Variants in PRAG1 observed in about 807,000 individuals in gnomAD.
PRAG1 encodes inactive tyrosine-protein kinase PRAG1.
A neutral mutation model predicts 95.6 loss-of-function variants in PRAG1; 110 were observed. That is an observed-to-expected ratio of 1.15 (90% CI 0.99 to 1.35). The LOEUF is 1.35. Among genes scored for constraint, PRAG1 ranks in the 40% most tolerant of loss-of-function variants. PRAG1 has a pLI of 0.00. For missense variants in PRAG1, 2,554 were observed against 1,864.7 expected (o/e 1.37, Z -6.81); for synonymous variants, 1,052 against 819.4 (o/e 1.28, Z -4.85).
intron 2 of PRAG1, among the ~76,000 whole-genome samples, chr8:8,380,669 C>A (rs775425309): frequency 6.6e-6 from 1 of 151,802 alleles, no homozygotes; most frequent in African/African-American, 2.4e-5. Flanking sequence ...TCCTGGCCAA[C>A]GTGGTGAAAC....
At chr8:8,321,089 C>T (rs564305382) in intron 5 of PRAG1, among the ~76,000 whole-genome samples, 1 of 152,206 alleles carries the variant, frequency 6.6e-6, no homozygotes, top group Non-Finnish European at 1.5e-5. Context: ...TTCCGGACTA[C>T]CCAACTCTAC....
intron 3 of PRAG1, among the ~76,000 whole-genome samples, chr8:8,365,873 G>A (rs888221002): frequency 2.0e-5 from 3 of 151,850 alleles, no homozygotes; most frequent in Non-Finnish European, 4.4e-5. Flanking sequence ...CCAGCTACTT[G>A]GGAGGCTGAG....
At position 8,318,953 on chromosome 8, in the gene PRAG1, A is replaced by G; in HGVS notation, c.3422T>C (p.Ile1141Thr). 6.2e-7 allele frequency: 1 copy of G among 1,612,910 alleles called. No individual in the cohort carries two copies. The highest frequency in any genetic ancestry group is 8.5e-7 in the Non-Finnish European group (1 of 1,179,642). Residue 1141 changes from isoleucine (I) to threonine (T), a missense_variant, in exon 6 of 6, where the codon ATC (isoleucine) becomes ACC (threonine). Physicochemically the swap from Ile to Thr is moderately conservative, Grantham distance 89. Coordinates refer to ENST00000615670, the MANE Select transcript of PRAG1 (RefSeq NM_001080826.3). This position sits in a 1 kb window ranked among gnomAD's most constrained non-coding sequence, Gnocchi z 4.2. ...CTCCAGGCACAGGTCCCGGTGGATG[A>G]TCCCGTGCTCCTTCAGGTGCTCCAG... ...NGLEHLKEHG[I>T]IHRDLCLENL...
intron 1 of PRAG1, among the ~76,000 whole-genome samples, chr8:8,385,554 C>G (rs1346880101): frequency 2.0e-5 from 3 of 152,202 alleles, no homozygotes; most frequent in African/African-American, 7.2e-5. Flanking sequence ...GGAAAGCCTT[C>G]TGAGCCTGAC....
intron 5 of PRAG1, among the ~76,000 whole-genome samples, chr8:8,324,932 G>A (rs942502976): frequency 1.3e-5 from 2 of 152,132 alleles, no homozygotes; most frequent in East Asian, 1.9e-4. Context: ...CCTCACTGCT[G>A]CAGGGCGCTG....
intron 3 of PRAG1, among the ~76,000 whole-genome samples, chr8:8,352,226 G>C (rs750380363): frequency 2.0e-5 from 3 of 152,096 alleles, no homozygotes; most frequent in Admixed American, 6.5e-5. Context: ...GCCCAATAAG[G>C]AGCAGACACC....
intron 5 of PRAG1, among the ~76,000 whole-genome samples, chr8:8,322,237 G>A (rs1798494103): frequency 6.6e-6 from 1 of 152,138 alleles, no homozygotes; most frequent in Non-Finnish European, 1.5e-5. Context: ...CTGGAGTGCA[G>A]TGGCACGATC....
Position 8,318,676 on chromosome 8 carries a change from C to A in PRAG1, c.3699G>T (p.Lys1233Asn). The change falls in exon 6 of 6, where the codon AAG becomes AAT. Residue 1233 changes from lysine to asparagine, a missense_variant. Transcript: ENST00000615670. The surrounding 1 kb of genome is among the most constrained non-coding windows in gnomAD (Gnocchi z 4.2). ...CGGGGGCCAGCCGGGCCTGGCTCTT[C>A]TTCTGCTGCAGGTTTGGGGTGCCGC... The part of the protein sequence containing the change: ...KPGGTPNLQQ[K>N]KSQARLAPEI... 5.0e-6 allele frequency: 8 copies of A among 1,611,618 alleles called. No individual in the cohort carries two copies. Among genetic ancestry groups the A allele is most frequent in the Non-Finnish European group, 6.8e-6 (8 of 1,179,780 alleles).
In PRAG1 at chr8:8,377,386, G is replaced by A; in HGVS notation, c.1023C>T (p.Leu341=). 6.3e-7 allele frequency: 1 copy of A among 1,588,958 alleles called. No homozygotes were observed. Among genetic ancestry groups the A allele is most frequent in the African/African-American group, 1.3e-5 (1 of 74,328 alleles). Reference sequence around the variant, plus strand: ...CGCTGCCGCTGCCGCTGCCACAAGAGAGGCCGTCGGAAGAAATGGCAGCCT... The same window carrying A: ...CGCTGCCGCTGCCGCTGCCACAAGAAAGGCCGTCGGAAGAAATGGCAGCCT... ...TSEAAISSDG[L]SCGSGSGSGS... Residue 341 remains leucine, a synonymous_variant, in exon 3 of 6, where the codon CTC becomes CTT. Coordinates refer to ENST00000615670, the MANE Select transcript of PRAG1 (RefSeq NM_001080826.3).
Position 8,377,263 on chromosome 8 carries a change from G to T in PRAG1, c.1146C>A (p.Cys382Ter), listed in dbSNP as rs761227295. ...GGCATCTGCTAGGGGTCACCCCTGG[G>T]CAGCCAGGGTCCTGCTGCTTCTCTG... is the stretch of plus-strand genomic sequence containing the variant. Reference protein sequence around the residue: ...PAPEKQQDPGCPGVTPSRCLG... With the variant: ...PAPEKQQDPG Residue 382 changes from cysteine (C) to a stop codon, truncating the protein, a stop_gained, in exon 3 of 6, where the codon TGC (cysteine) becomes TGA (stop). Coordinates refer to ENST00000615670, the MANE Select transcript of PRAG1 (RefSeq NM_001080826.3). LOFTEE classifies it high-confidence loss of function. 1.2e-6 allele frequency: 2 copies of T among 1,612,848 alleles called. No individual in the cohort carries two copies. The highest frequency in any genetic ancestry group is 1.7e-6 in the Non-Finnish European group (2 of 1,179,964).
At chr8:8,330,374 G>C (rs1050743515) in intron 4 of PRAG1, among the ~76,000 whole-genome samples, 1 of 152,148 alleles carries the variant, frequency 6.6e-6, no homozygotes. Flanking sequence ...AAGTGAAAAT[G>C]AAATTCAAGA....
chr8:8,375,608 T>G (rs572222855), intron 3 of PRAG1, among the ~76,000 whole-genome samples: 1 of 152,338 alleles, frequency 6.6e-6, no homozygotes, highest in Non-Finnish European at 1.5e-5. Context: ...TAACAGTTTA[T>G]TGAGCACGCA....
intron 3 of PRAG1, among the ~76,000 whole-genome samples, chr8:8,371,231 G>C (rs542555137): frequency 1.3e-5 from 2 of 151,768 alleles, no homozygotes; most frequent in Non-Finnish European, 2.9e-5. Context: ...TTAGCAAGTT[G>C]TGGGTTAAAA....
At chr8:8,342,979 A>G (rs1171621631) in intron 3 of PRAG1, among the ~76,000 whole-genome samples, 1 of 152,202 alleles carries the variant, frequency 6.6e-6, no homozygotes, top group Non-Finnish European at 1.5e-5. Context: ...CAAACCTTGG[A>G]GTGGCCAACT....
Position 8,377,332 on chromosome 8 carries a change from G to C in PRAG1, c.1077C>G (p.Pro359=), listed in dbSNP as rs763119486. 3 of 1,606,026 alleles carry C rather than the reference G, an allele frequency of 1.9e-6. No individual in the cohort carries two copies. The highest frequency in any genetic ancestry group is 2.2e-5 in the South Asian group (2 of 90,246). Residue 359 remains proline, a synonymous_variant, in exon 3 of 6, where the codon CCC becomes CCG. Coordinates refer to ENST00000615670, the MANE Select transcript of PRAG1 (RefSeq NM_001080826.3). ...GGGAGCAGTAATCACTCTCGAGGTG[G>C]GGGACGAAGGGGCTACTGGCGCCGC... is the stretch of plus-strand genomic sequence containing the variant. ...SGSGASSPFV[P]HLESDYCSLM...
intron 3 of PRAG1, among the ~76,000 whole-genome samples, chr8:8,371,317 G>A (rs1800195006): frequency 6.6e-6 from 1 of 151,760 alleles, no homozygotes; most frequent in Non-Finnish European, 1.5e-5. Flanking sequence ...CTGGAGCTCA[G>A]TGGTGCGATC....
At chr8:8,374,427 T>A (rs546415187) in intron 3 of PRAG1, among the ~76,000 whole-genome samples, 2 of 152,328 alleles carry the variant, frequency 1.3e-5, no homozygotes, top group Admixed American at 1.3e-4. Flanking sequence ...TGCTCCTTGA[T>A]GTCCTGTAGG....
At chr8:8,384,599 G>A (rs1311715586) in intron 1 of PRAG1, among the ~76,000 whole-genome samples, 5 of 104,592 alleles carry the variant, frequency 4.8e-5, no homozygotes, top group Non-Finnish European at 7.0e-5. Context: ...ATTTACCACC[G>A]CATGCAGCCA....
Position 8,328,070 on chromosome 8 carries a change from G to A in PRAG1, c.2712C>T (p.Gly904=), listed in dbSNP as rs1798693225. 6.2e-7 allele frequency: 1 copy of A among 1,601,932 alleles called. No homozygotes were observed. Among genetic ancestry groups the A allele is most frequent in the South Asian group, 1.1e-5 (1 of 89,252 alleles). Residue 904 remains glycine, a synonymous_variant, in exon 5 of 6, where the codon GGC becomes GGT. Coordinates refer to ENST00000615670, the MANE Select transcript of PRAG1 (RefSeq NM_001080826.3). ...TGCACTGGAGGCCAGGGCTCCCGCA[G>A]CCGCCTCTGTTGCCCGCCAGCCCTG... The part of the protein sequence containing the change: ...PAAGLAGNRG[G]CGSPGLQCKG...
Sources: gnomAD v4.1 joint callset for allele counts (sites outside exome capture counted in the v4.1 genomes callset) on GRCh38, gnomAD v4.1.1 for gene constraint, Gnocchi (gnomAD v3.1) non-coding constraint, MANE v1.5 for transcripts, NCBI Gene and HGNC (gene_info 2026-07-23, HGNC 2026-07-21) for gene names.